The following ADGRB3 variants were observed in gnomAD, a reference collection of about 807,000 sequenced individuals.
The protein encoded by ADGRB3 is brain-specific angiogenesis inhibitor 3.
ADGRB3 carries 37 observed loss-of-function variants against 193.4 expected under a neutral mutation model. That is an observed-to-expected ratio of 0.19 (90% CI 0.15 to 0.25). The LOEUF (loss-of-function observed/expected upper bound fraction) is 0.25, where lower values mean the gene tolerates loss of function less well. ADGRB3 is among the 10% of genes least tolerant of loss of function. The pLI is 1.00. For missense variants in ADGRB3, 1,637 were observed against 1,852.9 expected (o/e 0.88, Z 2.14); for synonymous variants, 690 against 644.2 (o/e 1.07, Z -1.08).
intron 29 of ADGRB3, among the ~76,000 whole-genome samples, chr6:69,368,119 C>A (rs1445716479): frequency 3.9e-5 from 6 of 151,936 alleles, no homozygotes; most frequent in Non-Finnish European, 1.5e-5. Flanking sequence ...ACAATGTGCA[C>A]ATGTACCCTA....
At position 68,698,898 on chromosome 6, in the gene ADGRB3, G is replaced by GGTAGGTCTAGGCATATAGATTATTT. The variant is rs1449614147; in HGVS notation, c.757+59470_757+59494dup. Among the ~76,000 whole-genome samples the GGTAGGTCTAGGCATATAGATTATTT allele has an allele frequency of 2.0e-5, 3 of 152,050 alleles. No homozygotes were observed. The East Asian group carries it at 5.8e-4, about 29-fold the overall frequency. Reference sequence around the variant, plus strand: ...ATGTGTTGATTGAAAATCTCTAATAGGTAGGTCTAGGCATATAGATTATTT... The same window carrying GGTAGGTCTAGGCATATAGATTATTT: ...ATGTGTTGATTGAAAATCTCTAATAGGTAGGTCTAGGCATATAGATTATTTGTAGGTCTAGGCATATAGATTATTT... On this transcript the variant is annotated intron_variant, in intron 3 of 31. Transcript: ENST00000370598.
At chr6:68,979,151 A>G (rs1432263616) in intron 10 of ADGRB3, among the ~76,000 whole-genome samples, 2 of 151,234 alleles carry the variant, frequency 1.3e-5, no homozygotes, top group Non-Finnish European at 3.0e-5. Flanking sequence ...TAGTCCTAAC[A>G]TAATACTAAG....
rs191257176 is a variant in ADGRB3, at chr6:69,096,277, C to T, written c.2480+20239C>T. On this transcript the variant is annotated intron_variant, in intron 17 of 31. Transcript: ENST00000370598. ...TGATGCCTAAGATCAGGTTTTAAAA[C>T]CAACCCAGGTCTCAAAGCTACGTGG... Among the ~76,000 whole-genome samples the T allele has an allele frequency of 1.6e-3, 244 of 151,858 alleles. 1 individual carries two copies. Among genetic ancestry groups the T allele is most frequent in the African/African-American group, 5.5e-3 (227 of 41,434 alleles).
intron 3 of ADGRB3, among the ~76,000 whole-genome samples, chr6:68,748,946 G>A (rs1766138150): frequency 6.6e-6 from 1 of 152,178 alleles, no homozygotes; most frequent in South Asian, 2.1e-4. Context: ...AGCCACCAAG[G>A]CTTAGGGCCT....
At chr6:69,315,447 A>C (rs1768290716) in intron 20 of ADGRB3, among the ~76,000 whole-genome samples, 1 of 151,538 alleles carries the variant, frequency 6.6e-6, no homozygotes. Flanking sequence ...ATCATTTATC[A>C]AGCACTTACT....
chr6:69,208,516 A>G (rs1765585784), intron 17 of ADGRB3, among the ~76,000 whole-genome samples: 1 of 152,210 alleles, frequency 6.6e-6, no homozygotes, highest in Admixed American at 6.5e-5. Context: ...CCCACTGGGA[A>G]GATTTCCCGT....
At chr6:69,164,337 C>T (rs192680341) in intron 17 of ADGRB3, among the ~76,000 whole-genome samples, 1 of 151,180 alleles carries the variant, frequency 6.6e-6, no homozygotes, top group Non-Finnish European at 1.5e-5. Flanking sequence ...TAGGACAAAC[C>T]AAACAATACT....
chr6:69,267,308 A>T (rs1339333063), intron 20 of ADGRB3, among the ~76,000 whole-genome samples: 4 of 152,074 alleles, frequency 2.6e-5, no homozygotes. Context: ...CATTATGGGG[A>T]GTGATTGACA....
chr6:69,075,766 T>C (rs1411887556), intron 16 of ADGRB3, among the ~76,000 whole-genome samples: 1 of 152,122 alleles, frequency 6.6e-6, no homozygotes, highest in Non-Finnish European at 1.5e-5. Flanking sequence ...TAAATACAAG[T>C]TAGAGTATTT....
At chr6:69,305,189 G>A (rs1010674371) in intron 20 of ADGRB3, among the ~76,000 whole-genome samples, 1 of 151,330 alleles carries the variant, frequency 6.6e-6, no homozygotes, top group Admixed American at 6.6e-5. Context: ...AAACAAATAG[G>A]AATTTTATTA....
intron 3 of ADGRB3, among the ~76,000 whole-genome samples, chr6:68,865,379 A>G (rs1026024087): frequency 6.6e-6 from 1 of 152,140 alleles, no homozygotes; most frequent in Non-Finnish European, 1.5e-5. Flanking sequence ...TTATAAGGGA[A>G]GGGAAGGATC....
intron 15 of ADGRB3, among the ~76,000 whole-genome samples, chr6:69,052,048 G>A (rs9363980): frequency 4.6e-5 from 7 of 151,970 alleles, no homozygotes; most frequent in Admixed American, 6.6e-5. Context: ...CCACCACCAC[G>A]CCGGGCTAAT....
chr6:68,754,030 G>A (rs1218526739), intron 3 of ADGRB3, among the ~76,000 whole-genome samples: 1 of 152,176 alleles, frequency 6.6e-6, no homozygotes, highest in African/African-American at 2.4e-5. Context: ...CAGAGGGTGA[G>A]TTCTGTAAAA....
chr6:68,954,840 C>T (rs1407862028), intron 6 of ADGRB3, among the ~76,000 whole-genome samples: 1 of 151,922 alleles, frequency 6.6e-6, no homozygotes, highest in Admixed American at 6.6e-5. Flanking sequence ...GCCACCATAC[C>T]CGGCTAATTT....
intron 17 of ADGRB3, among the ~76,000 whole-genome samples, chr6:69,166,026 A>T (rs925998929): frequency 6.6e-6 from 1 of 152,156 alleles, no homozygotes; most frequent in African/African-American, 2.4e-5. Flanking sequence ...CCATTTACTG[A>T]GCACTGACTA....
At chr6:69,271,543 G>A (rs1338496237) in intron 20 of ADGRB3, among the ~76,000 whole-genome samples, 5 of 152,142 alleles carry the variant, frequency 3.3e-5, no homozygotes, top group Non-Finnish European at 5.9e-5. Context: ...TAATGTGTTT[G>A]TAAATCAACC....
chr6:69,155,642 T>A (rs1774814804), intron 17 of ADGRB3, among the ~76,000 whole-genome samples: 1 of 152,158 alleles, frequency 6.6e-6, no homozygotes, highest in African/African-American at 2.4e-5. Flanking sequence ...TCCCAATCAG[T>A]CAATCTACTG....
At chr6:69,369,193 C>T (rs1248576124) in intron 29 of ADGRB3, among the ~76,000 whole-genome samples, 1 of 152,108 alleles carries the variant, frequency 6.6e-6, no homozygotes, top group Non-Finnish European at 1.5e-5. Flanking sequence ...TTTCCAATCA[C>T]TTTCTTCTCT....
rs1240054837 is a variant in ADGRB3 at position 69,102,311 on chromosome 6, GAC to G, written c.2480+26277_2480+26278del. ...CCTAGAAAAGTGAGCCCAAGCAGCAGACACATTTTCTGAAATTTTTATAAATA... is the reference window on the plus strand; with the variant it reads ...CCTAGAAAAGTGAGCCCAAGCAGCAGACATTTTCTGAAATTTTTATAAATA... On this transcript the variant is annotated intron_variant, in intron 17 of 31. Transcript: ENST00000370598. Among the ~76,000 whole-genome samples the G allele has an allele frequency of 5.9e-5, 9 of 152,150 alleles. No individual in the cohort carries two copies. The East Asian group carries it at 1.4e-3, about 23-fold the overall frequency.
Sources: gnomAD v4.1 joint callset for allele counts (sites outside exome capture counted in the v4.1 genomes callset) on GRCh38, gnomAD v4.1.1 for gene constraint, MANE v1.5 for transcripts, NCBI Gene and HGNC (gene_info 2026-07-23, HGNC 2026-07-21) for gene names.